Variants in ROR1 observed in about 807,000 individuals in gnomAD.
ROR1 encodes the protein inactive tyrosine-protein kinase transmembrane receptor ROR1.
In ROR1, 19 loss-of-function variants were observed where a neutral mutation model predicts 78.8. The observed-to-expected ratio is 0.24, with a 90% CI of 0.17 to 0.35. The LOEUF (loss-of-function observed/expected upper bound fraction) is 0.35, where lower values mean the gene tolerates loss of function less well. Ranked by LOEUF, ROR1 falls within the 10% of genes least tolerant of loss-of-function variation. The probability of loss-of-function intolerance (pLI) is 1.00; values close to 1 mark genes in which losing one functional copy is unlikely to be tolerated. For missense variants in ROR1, 917 were observed against 1,177.8 expected, an observed-to-expected ratio of 0.78 and a Z score of 3.24; for synonymous variants, 386 against 433.6, an observed-to-expected ratio of 0.89 and a Z score of 1.36.
At chr1:63,806,233 C>T (rs1264389780) in intron 1 of ROR1, among the ~76,000 whole-genome samples, 5 of 152,036 alleles carry the variant, frequency 3.3e-5, no homozygotes, top group Admixed American at 6.5e-5. Context: ...TGGTCAAGTG[C>T]GCTGGAACAA....
chr1:63,991,540 C>G (rs1020575697), intron 1 of ROR1, among the ~76,000 whole-genome samples: 1 of 152,170 alleles, frequency 6.6e-6, no homozygotes, highest in African/African-American at 2.4e-5. Flanking sequence ...AAAGGCATTA[C>G]TTGGTGGCGT....
At chr1:63,864,174 T>C (rs1426759748) in intron 1 of ROR1, among the ~76,000 whole-genome samples, 1 of 152,200 alleles carries the variant, frequency 6.6e-6, no homozygotes, top group African/African-American at 2.4e-5. Context: ...AAGTAAAACT[T>C]ATTCAAGATT....
chr1:64,078,206 A>G (rs114604816), intron 4 of ROR1, among the ~76,000 whole-genome samples: 2,116 of 152,290 alleles, frequency 0.014, 48 homozygotes, highest in African/African-American at 0.046. Flanking sequence ...TAGTAGTTTG[A>G]TTCTCTTCCT....
At chr1:63,870,103 T>G (rs1489648515) in intron 1 of ROR1, among the ~76,000 whole-genome samples, 1 of 152,194 alleles carries the variant, frequency 6.6e-6, no homozygotes, top group Non-Finnish European at 1.5e-5. Flanking sequence ...AATATATTTG[T>G]GTGTTCACTC....
rs150108439 is a variant in ROR1, at chr1:64,140,003, C to T, written c.611-106C>T. 2,629 of 1,027,342 alleles carry T rather than the reference C, an allele frequency of 2.6e-3. 10 individuals carry two copies. Among genetic ancestry groups the T allele is most frequent in the Non-Finnish European group, 3.1e-3 (2,172 of 701,422 alleles). 63.6% of individuals were successfully genotyped at this position (1,027,342 alleles called of 1,614,324 possible). ...TCTCTGGGCCTTGTCTGTTTCAGCACGGCGGATTCCTTGCAATGTGTGTTT... is the reference window on the plus strand; with the variant it reads ...TCTCTGGGCCTTGTCTGTTTCAGCATGGCGGATTCCTTGCAATGTGTGTTT... On this transcript the variant is annotated intron_variant, in intron 5 of 8. Coordinates refer to ENST00000371079, the MANE Select transcript of ROR1 (RefSeq NM_005012.4).
At chr1:64,049,415 C>A (rs184647074) in intron 2 of ROR1, among the ~76,000 whole-genome samples, 1 of 152,184 alleles carries the variant, frequency 6.6e-6, no homozygotes, top group East Asian at 1.9e-4. Context: ...ATTTTTTGAT[C>A]TGAAGCACAA....
chr1:63,917,385 C>T (rs944327682), intron 1 of ROR1, among the ~76,000 whole-genome samples: 2 of 152,110 alleles, frequency 1.3e-5, no homozygotes, highest in Non-Finnish European at 2.9e-5. Flanking sequence ...AGTTCTACAA[C>T]CAAAGAAAAG....
intron 7 of ROR1, chr1:64,143,052 C>T: frequency 1.5e-5 from 16 of 1,060,778 alleles, no homozygotes; most frequent in Non-Finnish European, 1.8e-5. Flanking sequence ...TTAAGAACAC[C>T]ACAAGGCAGG....
At chr1:64,152,812 T>C (rs1649665788) in intron 7 of ROR1, among the ~76,000 whole-genome samples, 1 of 152,206 alleles carries the variant, frequency 6.6e-6, no homozygotes, top group African/African-American at 2.4e-5. Flanking sequence ...AATGATAATG[T>C]TGAGCAGGCA....
At chr1:64,139,556 G>A (rs1316919922) in intron 5 of ROR1, among the ~76,000 whole-genome samples, 1 of 152,196 alleles carries the variant, frequency 6.6e-6, no homozygotes, top group Non-Finnish European at 1.5e-5. Context: ...TGGAACAATT[G>A]TACTGTGCTC....
chr1:64,031,290 G>A (rs948013093), intron 2 of ROR1, among the ~76,000 whole-genome samples: 1 of 152,176 alleles, frequency 6.6e-6, no homozygotes, highest in Non-Finnish European at 1.5e-5. Flanking sequence ...ACACTGTCTG[G>A]GGAAGAAAAT....
At chr1:64,076,115 G>C (rs564150915) in intron 4 of ROR1, among the ~76,000 whole-genome samples, 87 of 152,262 alleles carry the variant, frequency 5.7e-4, no homozygotes, top group African/African-American at 2.0e-3. Context: ...TTATTCTCCT[G>C]ATCTCACTGA....
At chr1:64,011,737 T>C (rs1295664340) in intron 2 of ROR1, among the ~76,000 whole-genome samples, 1 of 152,204 alleles carries the variant, frequency 6.6e-6, no homozygotes, top group African/African-American at 2.4e-5. Context: ...GGCATCATCT[T>C]TCTCTAGAAG....
chr1:63,877,413 C>A (rs559983769), intron 1 of ROR1, among the ~76,000 whole-genome samples: 1 of 152,168 alleles, frequency 6.6e-6, no homozygotes, highest in Non-Finnish European at 1.5e-5. Context: ...CATCACCTGA[C>A]GTTGTAATAA....
intron 2 of ROR1, among the ~76,000 whole-genome samples, chr1:64,015,375 C>T (rs967417592): frequency 2.6e-5 from 4 of 152,130 alleles, no homozygotes; most frequent in African/African-American, 9.7e-5. Flanking sequence ...GCTGCTTGCT[C>T]GGTCACAACA....
At chr1:64,009,256 T>C in intron 1 of ROR1, 49 bp from the exon 2 acceptor site, 1 of 1,335,064 alleles carries the variant, frequency 7.5e-7, no homozygotes, top group South Asian at 1.2e-5. Context: ...TAAATTACTA[T>C]ATTTAATATT....
At chr1:63,779,044 T>C (rs769273613) in intron 1 of ROR1, among the ~76,000 whole-genome samples, 2 of 152,232 alleles carry the variant, frequency 1.3e-5, no homozygotes, top group Admixed American at 1.3e-4. Context: ...TCAATTTCCC[T>C]TCGAGTGCTG....
chr1:64,011,362 C>T (rs1422977869), intron 2 of ROR1, among the ~76,000 whole-genome samples: 1 of 152,192 alleles, frequency 6.6e-6, no homozygotes, highest in Non-Finnish European at 1.5e-5. Flanking sequence ...CTGCTCTGTG[C>T]CAGGCACTGT....
chr1:64,120,437 C>A (rs577946903), intron 4 of ROR1, among the ~76,000 whole-genome samples: 1 of 152,050 alleles, frequency 6.6e-6, no homozygotes, highest in African/African-American at 2.4e-5. Flanking sequence ...CTATTTTTAA[C>A]CCAAAGATCC....
Sources: gnomAD v4.1 joint callset for allele counts (sites outside exome capture counted in the v4.1 genomes callset) on GRCh38, gnomAD v4.1.1 for gene constraint, MANE v1.5 for transcripts, NCBI Gene and HGNC (gene_info 2026-07-23, HGNC 2026-07-21) for gene names.